SMARCA4: variants seen among roughly 807,000 people sequenced by gnomAD.
The protein encoded by SMARCA4 is SWI/SNF related BAF chromatin remodeling complex subunit ATPase 4.
SMARCA4 carries 31 observed loss-of-function variants against 193.9 expected under a neutral mutation model. The ratio of observed to expected loss-of-function variants is 0.16; its 90% CI spans 0.12 to 0.22. The LOEUF is 0.22. Among genes scored for constraint, SMARCA4 ranks in the 10% least tolerant of loss-of-function variants. SMARCA4 has a pLI of 1.00. For missense variants in SMARCA4, 1,148 were observed against 2,296.0 expected (o/e 0.50, Z 10.22); for synonymous variants, 942 against 933.1 (o/e 1.01, Z -0.17).
intron 11 of SMARCA4, among the ~76,000 whole-genome samples, chr19:10,998,745 T>C (rs537168345): frequency 2.0e-5 from 3 of 152,298 alleles, no homozygotes; most frequent in Non-Finnish European, 4.4e-5. Flanking sequence ...CATTTAGCTT[T>C]AGCCAGCAGG....
chr19:11,058,246 G>C lies in SMARCA4; in HGVS notation c.4425-9G>C, dbSNP rs1416265578. On this transcript the variant is annotated splice_polypyrimidine_tract_variant and intron_variant, in intron 30 of 34. Transcript: ENST00000344626. The surrounding 1 kb of genome is among the most constrained non-coding windows in gnomAD (Gnocchi z 5.8). The stretch of plus-strand genomic sequence containing the variant: ...CTCGGGGGTGATAGCCGCCGGTTCT[G>C]CCTTGCAGCAGCAGTGGACGTCAGC... The C allele has an allele frequency of 6.2e-7, 1 of 1,606,538 alleles. No homozygotes were observed. Among genetic ancestry groups the C allele is most frequent in the Non-Finnish European group, 8.5e-7 (1 of 1,175,652 alleles).
intron 18 of SMARCA4, among the ~76,000 whole-genome samples, chr19:11,020,075 C>T (rs951586727): frequency 6.6e-6 from 1 of 152,128 alleles, no homozygotes; most frequent in African/African-American, 2.4e-5. Context: ...GGCCGTCCCT[C>T]CCTGGGGCCC....
At chr19:10,969,211 T>G (rs1416956061) in intron 1 of SMARCA4, among the ~76,000 whole-genome samples, 1 of 152,224 alleles carries the variant, frequency 6.6e-6, no homozygotes, top group African/African-American at 2.4e-5. Context: ...TGCCAAGCCT[T>G]GCTCTAGGGC....
rs924729359 is a variant in SMARCA4, at chr19:10,981,222, G to A, written c.-31-2899G>A. On this transcript the variant is annotated intron_variant, in intron 1 of 34. Transcript: ENST00000344626. ...AGACTGTGGGGACAGAAGGCCCAGAGGGGAGCGCCAAGGAGCCAGTGCCTC... is the reference window on the plus strand; with the variant it reads ...AGACTGTGGGGACAGAAGGCCCAGAAGGGAGCGCCAAGGAGCCAGTGCCTC... 2.0e-5 allele frequency among the ~76,000 whole-genome samples: 3 copies of A among 152,192 alleles called. No individual in the cohort carries two copies. In the East Asian group the frequency reaches 5.8e-4, roughly 29 times the overall value.
intron 7 of SMARCA4, among the ~76,000 whole-genome samples, chr19:10,990,549 A>T (rs545834856): frequency 6.6e-6 from 1 of 152,266 alleles, no homozygotes; most frequent in African/African-American, 2.4e-5. Flanking sequence ...AAGTGCTGGG[A>T]TTACAGGCAT....
intron 11 of SMARCA4, among the ~76,000 whole-genome samples, chr19:10,999,437 A>G (rs927199878): frequency 6.6e-6 from 1 of 151,974 alleles, no homozygotes; most frequent in African/African-American, 2.4e-5. Context: ...TGGGAGGACT[A>G]CTTGAGCCCA....
rs565413403 is a variant in SMARCA4, at chr19:10,987,641, G to A, written c.860-25G>A. 1.7e-5 allele frequency: 27 copies of A among 1,612,684 alleles called. No homozygotes were observed. The African/African-American group carries it at 1.7e-4, about 10-fold the overall frequency. ...GATGGGCCCCAGAGCTCAACATGAC[G>A]CCCTGGCCCCTTGCCTTCTCCCAGG... On this transcript the variant is annotated intron_variant, in intron 5 of 34. Coordinates refer to ENST00000344626, the MANE Select transcript of SMARCA4 (RefSeq NM_003072.5). This position sits in a 1 kb window ranked among gnomAD's most constrained non-coding sequence, Gnocchi z 5.3.
At chr19:10,996,869 G>T (rs986577112) in intron 11 of SMARCA4, among the ~76,000 whole-genome samples, 28 of 152,108 alleles carry the variant, frequency 1.8e-4, no homozygotes, top group Admixed American at 1.8e-3. Context: ...TTCACGTTTT[G>T]TGTTTTGTTT....
In SMARCA4 at chr19:11,058,425, C is replaced by T. The variant is rs980727498; in HGVS notation, c.4533+62C>T. 8.6e-7 allele frequency: 1 copy of T among 1,159,226 alleles called. No homozygotes were observed. Among genetic ancestry groups the T allele is most frequent in the Non-Finnish European group, 1.3e-6 (1 of 775,608 alleles). The allele number at this position is 1,159,226 out of a possible 1,614,324, so 71.8% of individuals were successfully genotyped here. A position where few individuals can be genotyped will look rare whatever the true frequency, so the allele number is the denominator to read the frequency against. On this transcript the variant is annotated intron_variant, in intron 31 of 34. Coordinates refer to ENST00000344626, the MANE Select transcript of SMARCA4 (RefSeq NM_003072.5). This position sits in a 1 kb window ranked among gnomAD's most constrained non-coding sequence, Gnocchi z 5.8. Reference sequence around the variant, plus strand: ...CGGAGGGGAGTCTGACCCAGGGGCACCCCCATCTGAGAGCTGTGGTGTGTG... The same window carrying T: ...CGGAGGGGAGTCTGACCCAGGGGCATCCCCATCTGAGAGCTGTGGTGTGTG...
In SMARCA4 at chr19:11,034,902, C is replaced by T. The variant is rs2075172988; in HGVS notation, c.3952-12C>T. The stretch of plus-strand genomic sequence containing the variant: ...ATGCTGATGCCTCTCCCGTTGCCTC[C>T]CTGCCCACCAGCGCATGGACCTGGA... On this transcript the variant is annotated splice_polypyrimidine_tract_variant and intron_variant, in intron 28 of 34. Transcript: ENST00000344626. This position sits in a 1 kb window ranked among gnomAD's most constrained non-coding sequence, Gnocchi z 7.0. The T allele has an allele frequency of 2.6e-6, 4 of 1,549,176 alleles. No individual in the cohort carries two copies. The East Asian group carries it at 9.6e-5, about 37-fold the overall frequency.
intron 34 of SMARCA4, among the ~76,000 whole-genome samples, chr19:11,061,188 T>TAAAAAAA (rs140377414): frequency 4.8e-4 from 33 of 68,786 alleles, no homozygotes; most frequent in African/African-American, 2.7e-3. Context: ...ACCCTGTCTT[T>TAAAAAAA]AAAAAAAAAA....
chr19:10,972,058 C>T (rs1375907322), intron 1 of SMARCA4, among the ~76,000 whole-genome samples: 1 of 151,492 alleles, frequency 6.6e-6, no homozygotes, highest in East Asian at 1.9e-4. Context: ...TGGGTTCAAG[C>T]GATTCTCCTG....
Position 10,994,959 on chromosome 19 carries a change from A to G in SMARCA4, c.1551A>G (p.Lys517=), listed in dbSNP as rs2145941690. ...CCAACACGGAGCGGGAGCAGAAGAA[A>G]GAGAACGAGCGGATCGAGAAGGAGC... The part of the protein sequence containing the change: ...YHANTEREQK[K]ENERIEKERM... Residue 517 remains lysine (K), a synonymous_variant, in exon 9 of 35, where the codon AAA becomes AAG. Transcript: ENST00000344626. 6.2e-7 allele frequency: 1 copy of G among 1,614,094 alleles called. No individual in the cohort carries two copies. Among genetic ancestry groups the G allele is most frequent in the Non-Finnish European group, 8.5e-7 (1 of 1,179,972 alleles).
Position 11,034,347 on chromosome 19 carries a change from G to C in SMARCA4, c.3951+147G>C. ...ACAGTGCAGCCCACTCCCACCTCCA[G>C]ACTGACCCGTCTTCCACCCCCAGTC... is the stretch of plus-strand genomic sequence containing the variant. On this transcript the variant is annotated intron_variant, in intron 28 of 34. Coordinates refer to ENST00000344626, the MANE Select transcript of SMARCA4 (RefSeq NM_003072.5). This position sits in a 1 kb window ranked among gnomAD's most constrained non-coding sequence, Gnocchi z 7.0. 1.4e-6 allele frequency: 1 copy of C among 722,924 alleles called. No homozygotes were observed. Among genetic ancestry groups the C allele is most frequent in the Non-Finnish European group, 2.5e-6 (1 of 401,248 alleles). The allele number at this position is 722,924 out of a possible 1,614,324, so 44.8% of individuals were successfully genotyped here.
chr19:11,007,031 G>C (rs775701327), intron 13 of SMARCA4, among the ~76,000 whole-genome samples: 1 of 152,058 alleles, frequency 6.6e-6, no homozygotes, highest in East Asian at 1.9e-4. Context: ...AGGTAGCAGC[G>C]AGCTGAGATA....
At chr19:10,988,345 G>A (rs903017583) in intron 6 of SMARCA4, among the ~76,000 whole-genome samples, 5 of 152,076 alleles carry the variant, frequency 3.3e-5, no homozygotes, top group Non-Finnish European at 5.9e-5. Context: ...CTGGTCTCGA[G>A]CTCCTGACCT....
intron 29 of SMARCA4, chr19:11,040,528 G>T (rs1024151973): frequency 6.7e-6 from 1 of 150,288 alleles, no homozygotes; most frequent in African/African-American, 2.5e-5. Flanking sequence ...GGAGGCGGAG[G>T]TTGCAGTGAG....
chr19:11,010,562 C>T (rs755405268), intron 15 of SMARCA4, 31 bp downstream of exon 15: 10 of 1,607,166 alleles, frequency 6.2e-6, no homozygotes, highest in African/African-American at 2.7e-5. Context: ...GCCACCGCCA[C>T]GTAGCTGCCT....
In SMARCA4 at chr19:11,033,775, C is replaced by T. The variant is rs797045985; in HGVS notation, c.3783C>T (p.His1261=). 2.6e-6 allele frequency: 2 copies of T among 780,062 alleles called. No individual in the cohort carries two copies. Among genetic ancestry groups the T allele is most frequent in the Middle Eastern group, 4.5e-4 (2 of 4,442 alleles). The allele number at this position is 780,062 out of a possible 1,614,324, so 48.3% of individuals were successfully genotyped here. The part of the protein sequence containing the change: ...LEHEEQDESR[H]CSTGSGSASF... ...CCTCTATTTATCCACAGAGCAGACACTGCAGCACGGGCAGCGGCAGTGCCA... is the reference window on the plus strand; with the variant it reads ...CCTCTATTTATCCACAGAGCAGACATTGCAGCACGGGCAGCGGCAGTGCCA... The change falls in exon 27 of 35, where the codon CAC becomes CAT. Residue 1261 remains histidine (H), a synonymous_variant. Transcript: ENST00000344626. This position sits in a 1 kb window ranked among gnomAD's most constrained non-coding sequence, Gnocchi z 9.8.
Sources: gnomAD v4.1 joint callset for allele counts (sites outside exome capture counted in the v4.1 genomes callset) on GRCh38, gnomAD v4.1.1 for gene constraint, Gnocchi (gnomAD v3.1) non-coding constraint, MANE v1.5 for transcripts, NCBI Gene and HGNC (gene_info 2026-07-23, HGNC 2026-07-21) for gene names.